NDUFA13: variants seen among roughly 807,000 people sequenced by gnomAD.
NDUFA13 encodes NADH:ubiquinone oxidoreductase subunit A13, also known as NADH dehydrogenase [ubiquinone] 1 alpha subcomplex subunit 13.
A neutral mutation model predicts 17.0 loss-of-function variants in NDUFA13; 16 were observed. The ratio of observed to expected loss-of-function variants is 0.94; its 90% CI spans 0.64 to 1.43. The LOEUF (loss-of-function observed/expected upper bound fraction) is 1.43. Ranked by LOEUF, NDUFA13 falls within the 40% of genes most tolerant of loss-of-function variation. The pLI, the probability that NDUFA13 is intolerant of heterozygous loss-of-function variation, is 0.00. For synonymous variants in NDUFA13, 87 were observed against 78.4 expected (o/e 1.11, Z -0.58); for missense variants, 228 against 206.7 (o/e 1.10, Z -0.63).
chr19:19,523,529 G>A (rs1288675752), intron 1 of NDUFA13, among the ~76,000 whole-genome samples: 4 of 152,026 alleles, frequency 2.6e-5, no homozygotes, highest in Admixed American at 2.0e-4. Flanking sequence ...TGCCATCTCA[G>A]CCCACTGCAA....
chr19:19,522,684 T>C (rs2061083612), intron 1 of NDUFA13, among the ~76,000 whole-genome samples: 1 of 152,028 alleles, frequency 6.6e-6, no homozygotes, highest in African/African-American at 2.4e-5. Context: ...TTCACCGTGT[T>C]AGCCAGGATG....
chr19:19,518,527 G>A (rs1247084112), intron 1 of NDUFA13, among the ~76,000 whole-genome samples: 1 of 150,852 alleles, frequency 6.6e-6, no homozygotes. Flanking sequence ...GACCCACCAC[G>A]CCTGGCGTTG....
Position 19,522,064 on chromosome 19 carries a change from G to T in NDUFA13, c.95-4118G>T, listed in dbSNP as rs909703418. On this transcript the variant is annotated intron_variant, in intron 1 of 4. Transcript: ENST00000507754. ...TCATGCCTGTAATTCCAGCACTTTG[G>T]GGGGCAGAGGCAGGTGGATCACTTG... Among the ~76,000 whole-genome samples the T allele has an allele frequency of 9.9e-5, 15 of 152,154 alleles. No individual in the cohort carries two copies. In the South Asian group the frequency reaches 1.0e-3, roughly 11 times the overall value.
In NDUFA13 at chr19:19,526,637, G is replaced by A. The variant is rs575568499; in HGVS notation, c.173+377G>A. ...AGGATATGAGTGGGGGGCCTGCCTC[G>A]GGCCCTCTAAGCAGGATTTTGTCAG... On this transcript the variant is annotated intron_variant, in intron 2 of 4. Transcript: ENST00000507754. 2.6e-5 allele frequency: 9 copies of A among 348,642 alleles called. 1 individual carries two copies. Among genetic ancestry groups the A allele is most frequent in the Middle Eastern group, 2.1e-3 (2 of 968 alleles). The allele number at this position is 348,642 out of a possible 1,614,324, so 21.6% of individuals were successfully genotyped here.
chr19:19,527,165 T>TCCCCCCCCCCCCC, intron 2 of NDUFA13, 116 bp from the exon 3 acceptor site: 4 of 470,782 alleles, frequency 8.5e-6, no homozygotes, highest in Non-Finnish European at 1.4e-5. Flanking sequence ...CCTGCCTGCC[T>TCCCCCCCCCCCCC]CCCCGCCCCC....
intron 1 of NDUFA13, among the ~76,000 whole-genome samples, chr19:19,518,560 T>G (rs34278704): frequency 4.8e-5 from 7 of 145,146 alleles, no homozygotes; most frequent in Admixed American, 7.0e-5. Flanking sequence ...TTGTTGTTTT[T>G]TGTGTGTGTG....
chr19:19,527,871 G>T (rs1238112497), intron 4 of NDUFA13, 101 bp downstream of exon 4: 1 of 1,472,406 alleles, frequency 6.8e-7, no homozygotes, highest in Admixed American at 2.0e-5. Context: ...AGGACCAAGG[G>T]GGTGGTGGGT....
intron 2 of NDUFA13, 37 bp downstream of exon 2, chr19:19,526,297 C>A (rs746324542): frequency 5.0e-6 from 8 of 1,609,504 alleles, no homozygotes; most frequent in South Asian, 1.1e-5. Context: ...AAAGTGCCCC[C>A]CCGGCGAGTT....
rs2061114346 is a variant in NDUFA13, at chr19:19,528,115, T to G, written c.424T>G (p.Trp142Gly). 1.2e-6 allele frequency: 2 copies of G among 1,611,752 alleles called. No individual in the cohort carries two copies. The highest frequency in any genetic ancestry group is 2.2e-5 in the East Asian group (1 of 44,872). The change falls in exon 5 of 5, where the codon TGG (tryptophan) becomes GGG (glycine). Residue 142 changes from tryptophan to glycine, a missense_variant. By Grantham distance (184) the Trp-to-Gly change is radical (BLOSUM62 -2). Transcript: ENST00000507754. ...TCTCCATGCCAGCCACGGCTTCATG[T>G]GGTACACGTAGGCCCTGTGCCCTCC... ...EALHASHGFMWYT is the reference protein window; with the variant it reads ...EALHASHGFMGYT
chr19:19,518,994 T>C (rs1465645200), intron 1 of NDUFA13, among the ~76,000 whole-genome samples: 1 of 151,490 alleles, frequency 6.6e-6, no homozygotes, highest in Non-Finnish European at 1.5e-5. Context: ...TCTGCCCGCC[T>C]TGGTCTCCCA....
At chr19:19,518,629 T>C (rs2061061405) in intron 1 of NDUFA13, among the ~76,000 whole-genome samples, 1 of 150,954 alleles carries the variant, frequency 6.6e-6, no homozygotes, top group African/African-American at 2.4e-5. Context: ...AGTGGCGTGA[T>C]CTCGGCTCAC....
intron 1 of NDUFA13, among the ~76,000 whole-genome samples, chr19:19,517,869 T>G (rs1273911050): frequency 6.6e-6 from 1 of 152,134 alleles, no homozygotes; most frequent in Non-Finnish European, 1.5e-5. Flanking sequence ...ATTGGCAGAC[T>G]TTTTCTATAA....
chr19:19,527,809 C>T (rs1293601668), intron 4 of NDUFA13, 39 bp downstream of exon 4: 3 of 1,540,314 alleles, frequency 1.9e-6, no homozygotes, highest in Non-Finnish European at 8.8e-7. Context: ...CCAGCCACGG[C>T]AGAGACAGGG....
intron 1 of NDUFA13, among the ~76,000 whole-genome samples, chr19:19,517,244 CTTTT>C (rs11399431): frequency 6.8e-6 from 1 of 146,456 alleles, no homozygotes. Flanking sequence ...ACATACATTT[CTTTT>C]TTTTTTTTTA....
In NDUFA13 at chr19:19,516,275, C is replaced by T. The variant is rs1164086060; in HGVS notation, c.37C>T (p.Pro13Ser). The change falls in exon 1 of 5, where the codon CCG becomes TCG. Residue 13 changes from proline (P) to serine (S), a missense_variant. Transcript: ENST00000507754. The stretch of plus-strand genomic sequence containing the variant: ...AAAGGTGAAGCAGGACATGCCTCCG[C>T]CGGGGGGCTATGGGCCCATCGACTA... ...ASKVKQDMPP[P>S]GGYGPIDYKR... 1 of 1,613,928 alleles carries T rather than the reference C, an allele frequency of 6.2e-7. No homozygotes were observed. Among genetic ancestry groups the T allele is most frequent in the Non-Finnish European group, 8.5e-7 (1 of 1,180,024 alleles).
chr19:19,519,750 A>G (rs2061067435), intron 1 of NDUFA13, among the ~76,000 whole-genome samples: 1 of 137,032 alleles, frequency 7.3e-6, no homozygotes, highest in African/African-American at 2.7e-5. Context: ...GAAAAAGAGC[A>G]AACACACAGG....
chr19:19,527,153 C>G (rs1403491331), intron 2 of NDUFA13, 128 bp from the exon 3 acceptor site: 1 of 940,110 alleles, frequency 1.1e-6, no homozygotes, highest in Non-Finnish European at 1.6e-6. Context: ...CTCGCCCTGC[C>G]CCCTGCCTGC....
intron 3 of NDUFA13, 75 bp from the exon 4 acceptor site, chr19:19,527,626 T>G (rs1600351268): frequency 8.3e-7 from 1 of 1,202,792 alleles, no homozygotes. Flanking sequence ...CTTGAAGGGG[T>G]GCTACTAGGG....
At chr19:19,527,253 C>T (rs751129197) in intron 2 of NDUFA13, 28 bp from the exon 3 acceptor site, 2 of 1,613,300 alleles carry the variant, frequency 1.2e-6, no homozygotes, top group Non-Finnish European at 1.7e-6. Flanking sequence ...CCTGGTCTGA[C>T]CTGAGTGTGG....
Sources: gnomAD v4.1 joint callset for allele counts (sites outside exome capture counted in the v4.1 genomes callset) on GRCh38, gnomAD v4.1.1 for gene constraint, MANE v1.5 for transcripts, NCBI Gene and HGNC (gene_info 2026-07-23, HGNC 2026-07-21) for gene names.